SHLD1: variants seen among roughly 807,000 people sequenced by gnomAD.
The protein encoded by SHLD1 is RINN1-REV7-interacting novel NHEJ regulator 3.
In SHLD1, 3 loss-of-function variants were observed where a neutral mutation model predicts 5.5. The ratio of observed to expected loss-of-function variants is 0.54; its 90% CI spans 0.25 to 1.40. The LOEUF is 1.40. SHLD1 is among the 40% of genes most tolerant of loss of function. The pLI, the probability that SHLD1 is intolerant of heterozygous loss-of-function variation, is 0.15. For missense variants in SHLD1, 210 were observed against 244.4 expected, an observed-to-expected ratio of 0.86 and a Z score of 0.94; for synonymous variants, 92 against 94.3, an observed-to-expected ratio of 0.98 and a Z score of 0.14.
chr20:5,776,338 G>A (rs917919491), intron 2 of SHLD1, among the ~76,000 whole-genome samples: 4 of 152,160 alleles, frequency 2.6e-5, no homozygotes, highest in African/African-American at 9.7e-5. Context: ...TTGGTGTCTG[G>A]TGCTGTCCCT....
Position 5,772,987 on chromosome 20 carries a change from AG to A in SHLD1, c.124del (p.Ala42LeufsTer23). On this transcript the variant is annotated frameshift_variant, in exon 2 of 3. Transcript: ENST00000303142. LOFTEE classifies it high-confidence loss of function. ...GGACCCAGCCAAGAAGCCAACAGCGAGGCTTTCAGTTCTTTGGAATTCCATT... is the reference window on the plus strand; with the variant it reads ...GGACCCAGCCAAGAAGCCAACAGCGAGCTTTCAGTTCTTTGGAATTCCATT... ...LQGPSQEANSEAFSSLEFHSF... is the reference protein window; with the variant it reads ...LQGPSQEANSXAFSSLEFHSF... The A allele has an allele frequency of 3.7e-6, 6 of 1,614,220 alleles. No individual in the cohort carries two copies. Among genetic ancestry groups the A allele is most frequent in the Non-Finnish European group, 5.1e-6 (6 of 1,180,036 alleles).
intron 2 of SHLD1, among the ~76,000 whole-genome samples, chr20:5,784,749 C>T (rs1325324442): frequency 6.6e-6 from 1 of 152,194 alleles, no homozygotes; most frequent in Non-Finnish European, 1.5e-5. Flanking sequence ...CGCGCCCGGC[C>T]CAGAATTATT....
At chr20:5,809,913 A>T (rs1441348477) in intron 2 of SHLD1, among the ~76,000 whole-genome samples, 1 of 151,976 alleles carries the variant, frequency 6.6e-6, no homozygotes, top group Non-Finnish European at 1.5e-5. Context: ...TCTCATTGTT[A>T]TTTCAGTTTT....
chr20:5,826,261 C>T (rs1373768986), intron 2 of SHLD1, among the ~76,000 whole-genome samples: 1 of 152,104 alleles, frequency 6.6e-6, no homozygotes, highest in African/African-American at 2.4e-5. Flanking sequence ...CTAGTTTTAT[C>T]AACTCTGTAA....
chr20:5,782,498 CT>C (rs1405527815), intron 2 of SHLD1, among the ~76,000 whole-genome samples: 2 of 152,174 alleles, frequency 1.3e-5, no homozygotes, highest in Non-Finnish European at 2.9e-5. Context: ...AATATCAGCC[CT>C]TTCCTCAAAC....
At chr20:5,811,328 C>T (rs1267420173) in intron 2 of SHLD1, among the ~76,000 whole-genome samples, 1 of 152,072 alleles carries the variant, frequency 6.6e-6, no homozygotes, top group African/African-American at 2.4e-5. Flanking sequence ...AGAGCCACAG[C>T]CAGCAACTGA....
At chr20:5,821,990 G>A (rs2087611502) in intron 2 of SHLD1, among the ~76,000 whole-genome samples, 1 of 152,164 alleles carries the variant, frequency 6.6e-6, no homozygotes, top group Non-Finnish European at 1.5e-5. Context: ...CATGCAAGGG[G>A]ACCACCTGAG....
intron 2 of SHLD1, among the ~76,000 whole-genome samples, chr20:5,816,186 A>T (rs879685562): frequency 6.6e-6 from 1 of 152,146 alleles, no homozygotes; most frequent in Non-Finnish European, 1.5e-5. Flanking sequence ...GCAAATGTAA[A>T]TATTATTTTA....
At chr20:5,857,326 A>ATT (rs1216468796) in intron 2 of SHLD1, among the ~76,000 whole-genome samples, 6 of 152,092 alleles carry the variant, frequency 3.9e-5, no homozygotes, top group Admixed American at 6.6e-5. Context: ...ACCCATGACT[A>ATT]TTTTTAGAGC....
chr20:5,852,588 T>TA (rs2088025803), intron 2 of SHLD1, among the ~76,000 whole-genome samples: 1 of 152,340 alleles, frequency 6.6e-6, no homozygotes, highest in South Asian at 2.1e-4. Context: ...TAGCTGGGAT[T>TA]ACAGGCATAT....
chr20:5,819,120 C>G (rs1225495976), intron 2 of SHLD1, among the ~76,000 whole-genome samples: 1 of 152,098 alleles, frequency 6.6e-6, no homozygotes, highest in African/African-American at 2.4e-5. Flanking sequence ...CCTCAGCCTC[C>G]CAAAGTGCTG....
intron 2 of SHLD1, among the ~76,000 whole-genome samples, chr20:5,823,577 A>AGCTG (rs980964282): frequency 6.6e-6 from 1 of 150,894 alleles, no homozygotes; most frequent in African/African-American, 2.4e-5. Context: ...CCTTCCTAGT[A>AGCTG]GCTGGGATTA....
chr20:5,818,356 G>A (rs910599256), intron 2 of SHLD1, among the ~76,000 whole-genome samples: 20 of 152,158 alleles, frequency 1.3e-4, no homozygotes, highest in African/African-American at 4.3e-4. Context: ...GATTACAGGC[G>A]TGAGCCACTG....
chr20:5,842,770 G>A (rs2087880591), intron 2 of SHLD1, among the ~76,000 whole-genome samples: 1 of 151,808 alleles, frequency 6.6e-6, no homozygotes, highest in Non-Finnish European at 1.5e-5. Flanking sequence ...CTCTAGTCTT[G>A]TTTTACCTAT....
chr20:5,854,039 C>G (rs978397108), intron 2 of SHLD1, among the ~76,000 whole-genome samples: 1 of 148,920 alleles, frequency 6.7e-6, no homozygotes, highest in East Asian at 2.0e-4. Flanking sequence ...GAGTTTTGCT[C>G]TTGTTGCCCA....
intron 2 of SHLD1, among the ~76,000 whole-genome samples, chr20:5,810,291 A>G (rs1472657074): frequency 6.6e-6 from 1 of 151,834 alleles, no homozygotes; most frequent in Non-Finnish European, 1.5e-5. Flanking sequence ...TCAATAATGG[A>G]CCACCTTAGA....
At position 5,806,207 on chromosome 20, in the gene SHLD1, G is replaced by A. The variant is rs374535560; in HGVS notation, c.178+33164G>A. On this transcript the variant is annotated intron_variant, in intron 2 of 2. Transcript: ENST00000303142. The surrounding 1 kb of genome is among the most constrained non-coding windows in gnomAD (Gnocchi z 7.6). ...TTGGCGTTTCTTTATCTGTTTTATG[G>A]GGACAATAATATCTACCTGATGGGT... Among the ~76,000 whole-genome samples, 8 of 152,080 alleles carry A rather than the reference G, an allele frequency of 5.3e-5. No homozygotes were observed. The highest frequency in any genetic ancestry group is 1.9e-4 in the African/African-American group (8 of 41,416).
intron 2 of SHLD1, among the ~76,000 whole-genome samples, chr20:5,800,501 C>G (rs1282095155): frequency 1.3e-5 from 2 of 152,166 alleles, no homozygotes; most frequent in Non-Finnish European, 2.9e-5. Context: ...CGAGACCAGC[C>G]TGGCCAACAT....
At chr20:5,828,732 T>A (rs2122433005) in intron 2 of SHLD1, among the ~76,000 whole-genome samples, 1 of 152,354 alleles carries the variant, frequency 6.6e-6, no homozygotes, top group Non-Finnish European at 1.5e-5. Flanking sequence ...TTGATTGTAG[T>A]TTGTACCATT....
Sources: gnomAD v4.1 joint callset for allele counts (sites outside exome capture counted in the v4.1 genomes callset) on GRCh38, gnomAD v4.1.1 for gene constraint, Gnocchi (gnomAD v3.1) non-coding constraint, MANE v1.5 for transcripts, NCBI Gene and HGNC (gene_info 2026-07-23, HGNC 2026-07-21) for gene names.